The following TRAP1 variants were observed in gnomAD, a reference collection of about 807,000 sequenced individuals.
The protein encoded by TRAP1 is TNF receptor associated protein 1, also known as heat shock protein 75 kDa, mitochondrial.
TRAP1 carries 102 observed loss-of-function variants against 89.1 expected under a neutral mutation model. The ratio of observed to expected loss-of-function variants is 1.15; its 90% CI spans 0.98 to 1.35. The LOEUF (loss-of-function observed/expected upper bound fraction) is 1.35, where lower values mean the gene tolerates loss of function less well. Ranked by LOEUF, TRAP1 falls within the 40% of genes most tolerant of loss-of-function variation. The probability of loss-of-function intolerance (pLI) is 0.00; values close to 1 mark genes in which losing one functional copy is unlikely to be tolerated. For synonymous variants in TRAP1, 508 were observed against 388.0 expected, an observed-to-expected ratio of 1.31 and a Z score of -3.64; for missense variants, 1,256 against 945.3, an observed-to-expected ratio of 1.33 and a Z score of -4.31.
intron 9 of TRAP1, among the ~76,000 whole-genome samples, chr16:3,673,442 G>A (rs568554045): frequency 6.6e-6 from 1 of 152,196 alleles, no homozygotes; most frequent in Non-Finnish European, 1.5e-5. Flanking sequence ...CTCCACACTG[G>A]TACTTCCCGA....
chr16:3,697,652 A>C (rs1596741191), intron 1 of TRAP1, among the ~76,000 whole-genome samples: 3 of 144,524 alleles, frequency 2.1e-5, no homozygotes, highest in East Asian at 4.1e-4. Flanking sequence ...CAACAGAGCA[A>C]GACTCTGTCT....
At chr16:3,672,924 C>G in intron 9 of TRAP1, 104 bp from the exon 10 acceptor site, 1 of 1,441,538 alleles carries the variant, frequency 6.9e-7, no homozygotes, top group Admixed American at 2.5e-5. Flanking sequence ...CCACTCCCGC[C>G]TCGCCCTCCC....
chr16:3,700,469 TTTTG>T lies in TRAP1; in HGVS notation c.89-9488_89-9485del, dbSNP rs563678667. On this transcript the variant is annotated intron_variant, in intron 1 of 17. Transcript: ENST00000246957. ...GGTGTGAGCCACCACGCCCAGACTT[TTTTG>T]TTTGTTTGTTTGAGATGCAGTCTCA... Among the ~76,000 whole-genome samples the T allele has an allele frequency of 4.0e-4, 59 of 149,146 alleles. 1 individual carries two copies. Among genetic ancestry groups the T allele is most frequent in the Non-Finnish European group, 6.8e-4 (46 of 67,456 alleles).
chr16:3,658,636 GCACTCCAGCCTGGCAACAGAGCAA>G, intron 17 of TRAP1, 133 bp downstream of exon 17: 1 of 713,730 alleles, frequency 1.4e-6, no homozygotes. Flanking sequence ...TCGCGCCACT[GCACTCCAGCCTGGCAACAGAGCAA>G]CACTCCATCT....
intron 1 of TRAP1, among the ~76,000 whole-genome samples, chr16:3,714,226 C>CTAT (rs1287449056): frequency 6.6e-6 from 1 of 152,230 alleles, no homozygotes; most frequent in Admixed American, 6.5e-5. Context: ...CAGCAGCCAC[C>CTAT]TATGACTCCA....
rs151231225 is a variant in TRAP1, at chr16:3,679,769, G to C, written c.493C>G (p.Gln165Glu). The change falls in exon 5 of 18, where the codon CAG (glutamine) becomes GAG (glutamate). Residue 165 changes from glutamine (Q) to glutamate (E), a missense_variant. Physicochemically the swap from Gln to Glu is conservative, Grantham distance 29. Coordinates refer to ENST00000246957, the MANE Select transcript of TRAP1 (RefSeq NM_016292.3). ...TIQDTGIGMT[Q>E]EELVSNLGTI... ...CCCAGGTTGGACACCAGCTCTTCCT[G>C]TGTCATCCCGATACCAGTATCCTGA... The C allele has an allele frequency of 3.4e-4, 556 of 1,614,108 alleles. 2 individuals are homozygous for C. The highest frequency in any genetic ancestry group is 1.6e-3 in the Middle Eastern group (10 of 6,062).
intron 8 of TRAP1, chr16:3,674,759 G>C: frequency 1.9e-6 from 1 of 525,272 alleles, no homozygotes; most frequent in South Asian, 2.1e-5. Flanking sequence ...CTGTGGGAGA[G>C]GATGACGCTG....
chr16:3,691,554 G>A (rs1168250170), intron 1 of TRAP1, among the ~76,000 whole-genome samples: 1 of 151,918 alleles, frequency 6.6e-6, no homozygotes, highest in Non-Finnish European at 1.5e-5. Flanking sequence ...TCCCACATTC[G>A]CCTCACGGGT....
intron 1 of TRAP1, among the ~76,000 whole-genome samples, chr16:3,712,285 CAAAAAAAAAAAAAAA>C (rs764259574): frequency 7.5e-4 from 24 of 32,080 alleles, no homozygotes; most frequent in East Asian, 1.2e-3. Context: ...GAATCTGTCT[CAAAAAAAAAAAAAAA>C]AAAAAAAAAA....
At chr16:3,678,918 G>A (rs1253358944) in intron 5 of TRAP1, among the ~76,000 whole-genome samples, 1 of 152,190 alleles carries the variant, frequency 6.6e-6, no homozygotes, top group Non-Finnish European at 1.5e-5. Context: ...TGAGCCTTGT[G>A]GGCTTGACGC....
chr16:3,711,788 C>A (rs916117407), intron 1 of TRAP1, among the ~76,000 whole-genome samples: 1 of 152,122 alleles, frequency 6.6e-6, no homozygotes, highest in Non-Finnish European at 1.5e-5. Flanking sequence ...TGCTGTGGAA[C>A]TACAGGGAAG....
rs755281060 is a variant in TRAP1, at chr16:3,689,328, TC to T, written c.248-192del. Among the ~76,000 whole-genome samples the T allele has an allele frequency of 3.4e-5, 5 of 148,946 alleles. No homozygotes were observed. The South Asian group carries it at 8.5e-4, about 25-fold the overall frequency. ...GGCACGATCTCGGCTCACTGCAAGC[TC>T]TGCCTCCCGGGTTCACGCCATTCTC... On this transcript the variant is annotated intron_variant, in intron 2 of 17. Transcript: ENST00000246957.
At chr16:3,691,848 A>G (rs970865759) in intron 1 of TRAP1, among the ~76,000 whole-genome samples, 1 of 152,078 alleles carries the variant, frequency 6.6e-6, no homozygotes, top group African/African-American at 2.4e-5. Context: ...CTAACTAAGA[A>G]GGAGACTTGT....
chr16:3,694,866 T>A (rs561842731), intron 1 of TRAP1, among the ~76,000 whole-genome samples: 6 of 152,132 alleles, frequency 3.9e-5, no homozygotes, highest in Admixed American at 3.9e-4. Context: ...CAGACACTTA[T>A]TCTCTCACAG....
At chr16:3,671,352 G>C (rs2050909974) in intron 11 of TRAP1, among the ~76,000 whole-genome samples, 2 of 152,246 alleles carry the variant, frequency 1.3e-5, no homozygotes, top group African/African-American at 2.4e-5. Flanking sequence ...GGCCAGAGTG[G>C]GGAAGTGATA....
chr16:3,703,676 C>T (rs1166046442), intron 1 of TRAP1, among the ~76,000 whole-genome samples: 1 of 151,972 alleles, frequency 6.6e-6, no homozygotes, highest in Non-Finnish European at 1.5e-5. Flanking sequence ...TATTGGACTA[C>T]ATATATCAAT....
At chr16:3,674,611 G>C in intron 8 of TRAP1, 117 bp from the exon 9 acceptor site, 1 of 1,320,422 alleles carries the variant, frequency 7.6e-7, no homozygotes, top group Non-Finnish European at 1.0e-6. Flanking sequence ...GGACAGACGG[G>C]CGGTGGTCTC....
At chr16:3,699,519 G>A (rs532398349) in intron 1 of TRAP1, among the ~76,000 whole-genome samples, 71 of 151,848 alleles carry the variant, frequency 4.7e-4, no homozygotes, top group African/African-American at 1.6e-3. Flanking sequence ...CCCGCTACTC[G>A]GGAGGCTGAG....
intron 1 of TRAP1, among the ~76,000 whole-genome samples, chr16:3,715,176 C>T (rs1469506724): frequency 1.3e-5 from 2 of 152,226 alleles, no homozygotes; most frequent in African/African-American, 2.4e-5. Flanking sequence ...CAGCGGCTCA[C>T]GCTTGTAATC....
Sources: gnomAD v4.1 joint callset for allele counts (sites outside exome capture counted in the v4.1 genomes callset) on GRCh38, gnomAD v4.1.1 for gene constraint, MANE v1.5 for transcripts, NCBI Gene and HGNC (gene_info 2026-07-23, HGNC 2026-07-21) for gene names.